RYR1: variants seen among roughly 807,000 people sequenced by gnomAD.
RYR1 encodes central core disease of muscle.
In RYR1, 342 loss-of-function variants were observed where a neutral mutation model predicts 583.5. That is an observed-to-expected ratio of 0.59 (90% confidence interval 0.54 to 0.64). The LOEUF is 0.64. RYR1 is among the 30% of genes least tolerant of loss of function. The pLI, the probability that RYR1 is intolerant of heterozygous loss-of-function variation, is 0.00. For missense variants in RYR1, 6,032 were observed against 6,917.2 expected (o/e 0.87, Z 4.54); for synonymous variants, 2,791 against 2,822.5 (o/e 0.99, Z 0.35).
In RYR1 at chr19:38,485,805, T is replaced by G. The variant is rs1568484483; in HGVS notation, c.5150T>G (p.Ile1717Ser). Reference protein sequence around the residue: ...RAGYYDLLISIHLESACRSRR... With the variant: ...RAGYYDLLISSHLESACRSRR... Reference sequence around the variant, plus strand: ...GGCTACTATGACCTCCTCATCAGCATCCACCTCGAAAGTGCCTGCCGCAGC... The same window carrying G: ...GGCTACTATGACCTCCTCATCAGCAGCCACCTCGAAAGTGCCTGCCGCAGC... Residue 1717 changes from isoleucine to serine, a missense_variant, in exon 34 of 106, where the codon ATC becomes AGC. Ile to Ser is a moderately radical substitution (Grantham distance 142, BLOSUM62 -2). This residue lies in a region of RYR1 where 2,627 missense variants were observed against 2,961.3 expected (regional missense o/e 0.89). Coordinates refer to ENST00000359596, the MANE Select transcript of RYR1 (RefSeq NM_000540.3). 1 of 1,613,364 alleles carries G rather than the reference T, an allele frequency of 6.2e-7. No individual in the cohort carries two copies. The highest frequency in any genetic ancestry group is 8.5e-7 in the Non-Finnish European group (1 of 1,179,970).
At chr19:38,534,622 A>G in intron 78 of RYR1, 98 bp from the exon 79 acceptor site, 1 of 992,386 alleles carries the variant, frequency 1.0e-6, no homozygotes, top group Non-Finnish European at 1.6e-6. Context: ...TGAGTTGTGG[A>G]TGTGGCTGGA....
chr19:38,531,024 G>A (rs1455363066), intron 76 of RYR1, among the ~76,000 whole-genome samples: 10 of 140,332 alleles, frequency 7.1e-5, no homozygotes, highest in Non-Finnish European at 1.5e-4. Flanking sequence ...AGTAGAGACA[G>A]GGTTTCGCCA....
chr19:38,578,089 G>A, intron 98 of RYR1, 41 bp downstream of exon 98: 1 of 1,613,694 alleles, frequency 6.2e-7, no homozygotes, highest in South Asian at 1.1e-5. Context: ...GGGCATGCAG[G>A]GGAGGTGACT....
In RYR1 at chr19:38,466,190, T is replaced by G; in HGVS notation, c.2970T>G (p.Asn990Lys). The G allele has an allele frequency of 1.2e-6, 2 of 1,613,502 alleles. No individual in the cohort carries two copies. The highest frequency in any genetic ancestry group is 1.7e-6 in the Non-Finnish European group (2 of 1,179,956). The change falls in exon 24 of 106, where the codon AAT becomes AAG. Residue 990 changes from asparagine to lysine, a missense_variant. Physicochemically the swap from Asn to Lys is moderately conservative, Grantham distance 94. Around this residue, in one of 11 missense-constraint regions of RYR1, gnomAD observed 2,627 missense variants for 2,961.3 expected, o/e 0.89. Transcript: ENST00000359596. ...CACTGGTGGACCGTCTGGCAGAAAA[T>G]GGGCACAACGTGTGGGCCCGAGACC... ...QTTLVDRLAE[N>K]GHNVWARDRV... is the part of the protein sequence containing the mutation.
At position 38,586,103 on chromosome 19, in the gene RYR1, A is replaced by G; in HGVS notation, c.14881A>G (p.Ile4961Val). The stretch of plus-strand genomic sequence containing the variant: ...TTGCCACTCACAGACCAAGTGCTTC[A>G]TCTGTGGAATCGGCAGTGACTACTT... ...VKEDMETKCF[I>V]CGIGSDYFDT... The change falls in exon 104 of 106, where the codon ATC becomes GTC. Residue 4961 changes from isoleucine to valine, a missense_variant. Around this residue, in one of 11 missense-constraint regions of RYR1, gnomAD observed 189 missense variants for 350.3 expected, o/e 0.54. Transcript: ENST00000359596. The G allele has an allele frequency of 6.2e-7, 1 of 1,614,096 alleles. No individual in the cohort carries two copies. The highest frequency in any genetic ancestry group is 2.2e-5 in the East Asian group (1 of 44,892).
chr19:38,575,893 C>CA (rs767867943), intron 96 of RYR1, 26 bp from the exon 97 acceptor site: 12 of 1,613,740 alleles, frequency 7.4e-6, no homozygotes, highest in East Asian at 6.7e-5. Context: ...ATCTTATACT[C>CA]ACGCTTTCTC....
In RYR1 at chr19:38,496,745, T is replaced by TA; in HGVS notation, c.6797-114dup. ...GTGGTCAGAGCTTGGATGAGGGAAG[T>TA]ACAGACCAGAGGAGGCACCTGATCC... On this transcript the variant is annotated intron_variant, in intron 41 of 105. Coordinates refer to ENST00000359596, the MANE Select transcript of RYR1 (RefSeq NM_000540.3). The surrounding 1 kb of genome is among the most constrained non-coding windows in gnomAD (Gnocchi z 4.8). 1 of 1,175,906 alleles carries TA rather than the reference T, an allele frequency of 8.5e-7. No individual in the cohort carries two copies. The highest frequency in any genetic ancestry group is 1.3e-6 in the Non-Finnish European group (1 of 790,884). 72.8% of individuals were successfully genotyped at this position (1,175,906 alleles called of 1,614,324 possible). A position where few individuals can be genotyped will look rare whatever the true frequency, so the allele number is the denominator to read the frequency against.
chr19:38,495,933 T>G (rs1273703578), intron 39 of RYR1, among the ~76,000 whole-genome samples: 2 of 152,082 alleles, frequency 1.3e-5, no homozygotes, highest in Non-Finnish European at 2.9e-5. Flanking sequence ...TGGCTAATTT[T>G]TGTATTTTTA....
chr19:38,487,057 TAATC>T (rs1245732629), intron 34 of RYR1, among the ~76,000 whole-genome samples: 2 of 152,198 alleles, frequency 1.3e-5, no homozygotes, highest in Non-Finnish European at 2.9e-5. Flanking sequence ...ATTTATGTAT[TAATC>T]TATCTTTCCT....
rs201322611 is a variant in RYR1, at chr19:38,459,141, T to C, written c.2168-5T>C. On this transcript the variant is annotated splice_polypyrimidine_tract_variant and splice_region_variant and intron_variant, in intron 18 of 105. Coordinates refer to ENST00000359596, the MANE Select transcript of RYR1 (RefSeq NM_000540.3). ...CGTCTGACCCATCTCTGGTGACTGA[T>C]GCAGGACACGTGGCACGCCCAGTGA... The C allele has an allele frequency of 6.2e-7, 1 of 1,612,788 alleles. No individual in the cohort carries two copies. Among genetic ancestry groups the C allele is most frequent in the Non-Finnish European group, 8.5e-7 (1 of 1,179,900 alleles).
chr19:38,492,053 T>TA (rs1969574596), intron 37 of RYR1, among the ~76,000 whole-genome samples: 1 of 152,040 alleles, frequency 6.6e-6, no homozygotes, highest in Non-Finnish European at 1.5e-5. Flanking sequence ...AATGAACAAA[T>TA]ACATGAACAT....
At position 38,519,429 on chromosome 19, in the gene RYR1, C is replaced by T. The variant is rs146754065; in HGVS notation, c.10234C>T (p.Leu3412Phe). The T allele has an allele frequency of 1.9e-6, 3 of 1,600,398 alleles. No homozygotes were observed. The African/African-American group carries it at 4.0e-5, about 22-fold the overall frequency. The change falls in exon 67 of 106, where the codon CTC (leucine) becomes TTC (phenylalanine). Residue 3412 changes from leucine (L) to phenylalanine (F), a missense_variant. By Grantham distance (22) the Leu-to-Phe change is conservative. Coordinates refer to ENST00000359596, the MANE Select transcript of RYR1 (RefSeq NM_000540.3). ...GGACCTCTACGCCCTGTATCCGCTGCTCATCCGCTACGTGGACAACAACAG... is the reference window on the plus strand; with the variant it reads ...GGACCTCTACGCCCTGTATCCGCTGTTCATCCGCTACGTGGACAACAACAG... ...CRDLYALYPL[L>F]IRYVDNNRAQ... is the part of the protein sequence containing the mutation.
intron 2 of RYR1, among the ~76,000 whole-genome samples, 185 bp downstream of exon 2, chr19:38,441,049 G>A (rs1972654111): frequency 6.8e-6 from 1 of 147,746 alleles, no homozygotes; most frequent in Admixed American, 6.8e-5. Flanking sequence ...GAAGGGAGGG[G>A]CAGGGGGTCT....
chr19:38,450,069 G>A (rs1462783329), intron 11 of RYR1, among the ~76,000 whole-genome samples: 2 of 152,190 alleles, frequency 1.3e-5, no homozygotes, highest in Non-Finnish European at 2.9e-5. Flanking sequence ...TGGGCTCACA[G>A]GAGATTTTGA....
intron 89 of RYR1, among the ~76,000 whole-genome samples, chr19:38,559,626 G>C (rs916693037): frequency 6.6e-6 from 1 of 152,026 alleles, no homozygotes; most frequent in Non-Finnish European, 1.5e-5. Context: ...AGGGGTTCCG[G>C]TGTGATTATG....
At chr19:38,559,455 A>C (rs1973028280) in intron 89 of RYR1, among the ~76,000 whole-genome samples, 4 of 151,890 alleles carry the variant, frequency 2.6e-5, no homozygotes, top group Admixed American at 2.0e-4. Context: ...GCTGGTCTCG[A>C]ACTCCTGACC....
In RYR1 at chr19:38,457,535, T is replaced by C; in HGVS notation, c.1830T>C (p.Gly610=). 1 of 1,614,056 alleles carries C rather than the reference T, an allele frequency of 6.2e-7. No individual in the cohort carries two copies. The highest frequency in any genetic ancestry group is 8.5e-7 in the Non-Finnish European group (1 of 1,179,994). Residue 610 remains glycine (G), a synonymous_variant, in exon 17 of 106, where the codon GGT becomes GGC. Transcript: ENST00000359596. ...DVLCSLCVCN[G]VAVRSNQDLI... ...TATGCTCCCTGTGTGTGTGTAATGG[T>C]GTGGCTGTACGCTCCAACCAAGATC...
intron 31 of RYR1, among the ~76,000 whole-genome samples, chr19:38,481,956 C>T (rs1019239264): frequency 6.6e-5 from 10 of 151,938 alleles, no homozygotes; most frequent in South Asian, 2.1e-4. Flanking sequence ...GGCGTGGTGA[C>T]GGGCGCCTGT....
rs1326754684 is a variant in RYR1, at chr19:38,585,997, A to G, written c.14863A>G (p.Met4955Val). ...CCAACAAGAGCAAGTGAAGGAGGAT[A>G]TGGAGGTAGGTCATGTCTGGGGGTG... The part of the protein sequence containing the change: ...RDQQEQVKED[M>V]ETKCFICGIG... Residue 4955 changes from methionine (M) to valine (V), a missense_variant, in exon 103 of 106, where the codon ATG becomes GTG. This residue lies in a region of RYR1 where 189 missense variants were observed against 350.3 expected (regional missense o/e 0.54). Coordinates refer to ENST00000359596, the MANE Select transcript of RYR1 (RefSeq NM_000540.3). The G allele has an allele frequency of 6.2e-7, 1 of 1,613,966 alleles. No homozygotes were observed. Among genetic ancestry groups the G allele is most frequent in the Non-Finnish European group, 8.5e-7 (1 of 1,179,970 alleles).
Sources: gnomAD v4.1 joint callset for allele counts (sites outside exome capture counted in the v4.1 genomes callset) on GRCh38, gnomAD v4.1.1 for gene constraint, gnomAD v4.1.1 regional missense constraint, Gnocchi (gnomAD v3.1) non-coding constraint, MANE v1.5 for transcripts, NCBI Gene and HGNC (gene_info 2026-07-23, HGNC 2026-07-21) for gene names.